The following MTNR1B variants were observed in gnomAD, a reference collection of about 807,000 sequenced individuals.
MTNR1B encodes the protein melatonin receptor 1B.
In MTNR1B, 7 loss-of-function variants were observed where a neutral mutation model predicts 7.0. The ratio of observed to expected loss-of-function variants is 1.00; its 90% confidence interval spans 0.57 to 1.88. The LOEUF (loss-of-function observed/expected upper bound fraction) is 1.88, where lower values mean the gene tolerates loss of function less well. Ranked by LOEUF, MTNR1B falls within the 40% of genes most tolerant of loss-of-function variation. The pLI, the probability that MTNR1B is intolerant of heterozygous loss-of-function variation, is 0.00. For synonymous variants in MTNR1B, 226 were observed against 208.2 expected (o/e 1.09, Z -0.74); for missense variants, 478 against 486.5 (o/e 0.98, Z 0.16).
downstream of MTNR1B, among the ~76,000 whole-genome samples, chr11:92,982,939 C>G (rs1449861939): frequency 1.1e-5 from 1 of 88,090 alleles, no homozygotes; most frequent in Non-Finnish European, 2.4e-5. Flanking sequence ...ACACTGCACC[C>G]CCCCCCCCCA....
chr11:92,976,605 C>T (rs1328171356), intron 1 of MTNR1B, among the ~76,000 whole-genome samples: 6 of 152,302 alleles, frequency 3.9e-5, no homozygotes, highest in African/African-American at 9.6e-5. Context: ...TTGAAGGCAA[C>T]ACTGATAGAG....
chr11:92,982,640 T>C lies in MTNR1B; in HGVS notation c.*328T>C. The C allele has an allele frequency of 3.2e-6, 1 of 314,520 alleles. No individual in the cohort carries two copies. The highest frequency in any genetic ancestry group is 4.6e-5 in the Admixed American group (1 of 21,814). 19.5% of individuals were successfully genotyped at this position (314,520 alleles called of 1,614,324 possible). A position where few individuals can be genotyped will look rare whatever the true frequency, so the allele number is the denominator to read the frequency against. On this transcript the variant is annotated 3_prime_UTR_variant, in exon 2 of 2. Transcript: ENST00000257068. ...TCCTTCTCATAGCTGACCCTCATCC[T>C]CCTGCCTTGGCCTCCTGGCTGCTTT...
chr11:92,979,944 TTGAAGGGC>T (rs1474842226), intron 1 of MTNR1B, among the ~76,000 whole-genome samples: 1 of 152,210 alleles, frequency 6.6e-6, no homozygotes, highest in Non-Finnish European at 1.5e-5. Flanking sequence ...TCTACTTCAC[TTGAAGGGC>T]TGACTCAGGT....
chr11:92,983,657 C>G (rs1455350435), downstream of MTNR1B, among the ~76,000 whole-genome samples: 1 of 152,128 alleles, frequency 6.6e-6, no homozygotes. Flanking sequence ...ACTTTATATT[C>G]GTAGAAATCT....
intron 1 of MTNR1B, among the ~76,000 whole-genome samples, chr11:92,971,835 T>C (rs1337645129): frequency 6.6e-6 from 1 of 152,174 alleles, no homozygotes; most frequent in Non-Finnish European, 1.5e-5. Context: ...AGAGCATCAC[T>C]GGGGAGGGTC....
intron 1 of MTNR1B, among the ~76,000 whole-genome samples, chr11:92,979,741 G>C (rs1202811188): frequency 6.6e-6 from 1 of 152,168 alleles, no homozygotes; most frequent in East Asian, 1.9e-4. Flanking sequence ...GACTTGTGTG[G>C]GTTCTCAGTG....
intron 1 of MTNR1B, among the ~76,000 whole-genome samples, chr11:92,976,535 C>T (rs1048268103): frequency 6.6e-6 from 1 of 152,158 alleles, no homozygotes; most frequent in African/African-American, 2.4e-5. Flanking sequence ...AAAAAAAGCC[C>T]TCCACTGTCC....
At chr11:92,978,282 AAG>A (rs1365237354) in intron 1 of MTNR1B, among the ~76,000 whole-genome samples, 2 of 152,230 alleles carry the variant, frequency 1.3e-5, no homozygotes, top group Non-Finnish European at 2.9e-5. Flanking sequence ...TCCAGAAAGA[AAG>A]AGAGAGGAAG....
At position 92,969,935 on chromosome 11, in the gene MTNR1B, G is replaced by A. The variant is rs1366507159; in HGVS notation, c.210G>A (p.Lys70=). ...TCCTCTCCGTGCTCAGGAACCGCAA[G>A]CTCCGGAACGCAGGTGAGCACCATT... ...LVILSVLRNR[K]LRNAGNLFLV... is the part of the protein sequence containing the mutation. The change falls in exon 1 of 2, where the codon AAG becomes AAA. Residue 70 remains lysine, a synonymous_variant. Coordinates refer to ENST00000257068, the MANE Select transcript of MTNR1B (RefSeq NM_005959.5). 3 of 1,610,834 alleles carry A rather than the reference G, an allele frequency of 1.9e-6. No individual in the cohort carries two copies. The highest frequency in any genetic ancestry group is 2.2e-5 in the South Asian group (2 of 90,212).
intron 1 of MTNR1B, among the ~76,000 whole-genome samples, chr11:92,976,591 TCTTTTGAAGG>T (rs1226515684): frequency 1.3e-5 from 2 of 152,190 alleles, no homozygotes; most frequent in African/African-American, 4.8e-5. Flanking sequence ...TCTATCTCCT[TCTTTTGAAGG>T]CAACACTGAT....
chr11:92,971,084 C>T (rs559017328), intron 1 of MTNR1B, among the ~76,000 whole-genome samples: 19 of 152,098 alleles, frequency 1.2e-4, no homozygotes, highest in African/African-American at 4.1e-4. Context: ...CTCAGCCTCC[C>T]GAGTAGCTGG....
intron 1 of MTNR1B, among the ~76,000 whole-genome samples, chr11:92,979,038 C>T (rs1394476701): frequency 6.6e-6 from 1 of 152,124 alleles, no homozygotes; most frequent in East Asian, 1.9e-4. Context: ...TTCACAGAAC[C>T]AACCCTATGA....
rs755055805 is a variant in MTNR1B at position 92,970,282 on chromosome 11, G to T, written c.223+334G>T. Among the ~76,000 whole-genome samples the T allele has an allele frequency of 3.3e-5, 5 of 152,186 alleles. No homozygotes were observed. The East Asian group carries it at 9.6e-4, about 29-fold the overall frequency. The stretch of plus-strand genomic sequence containing the variant: ...CGCTCCAATGCGTGTCTTTCCAGAG[G>T]TGCCCACATCAGGCCACAGAAATCT... On this transcript the variant is annotated intron_variant, in intron 1 of 1. Coordinates refer to ENST00000257068, the MANE Select transcript of MTNR1B (RefSeq NM_005959.5).
chr11:92,981,573 C>T lies in MTNR1B; in HGVS notation c.350C>T (p.Ala117Val), dbSNP rs1343283935. Residue 117 changes from alanine to valine, a missense_variant, in exon 2 of 2, where the codon GCC becomes GTC. Coordinates refer to ENST00000257068, the MANE Select transcript of MTNR1B (RefSeq NM_005959.5). ...GGGGAGGAGCACTGCAAGGCCAGCG[C>T]CTTTGTGATGGGCCTGAGCGTCATC... ...ALGEEHCKASAFVMGLSVIGS... is the reference protein window; with the variant it reads ...ALGEEHCKASVFVMGLSVIGS... 2 of 1,614,116 alleles carry T rather than the reference C, an allele frequency of 1.2e-6. No homozygotes were observed. Among genetic ancestry groups the T allele is most frequent in the Admixed American group, 1.7e-5 (1 of 60,024 alleles).
intron 1 of MTNR1B, among the ~76,000 whole-genome samples, chr11:92,978,515 G>A (rs917921686): frequency 2.6e-5 from 4 of 152,192 alleles, no homozygotes; most frequent in South Asian, 2.1e-4. Flanking sequence ...TGCATACTGA[G>A]TGATTTCTCA....
chr11:92,981,634 C>A lies in MTNR1B; in HGVS notation c.411C>A (p.Asn137Lys), dbSNP rs1565180960. 6.2e-7 allele frequency: 1 copy of A among 1,614,224 alleles called. No individual in the cohort carries two copies. The highest frequency in any genetic ancestry group is 8.5e-7 in the Non-Finnish European group (1 of 1,180,040). ...TCAATATCACTGCCATCGCCATTAA[C>A]CGCTACTGCTACATCTGCCACAGCA... The part of the protein sequence containing the change: ...SVFNITAIAI[N>K]RYCYICHSMA... The change falls in exon 2 of 2, where the codon AAC becomes AAA. Residue 137 changes from asparagine to lysine, a missense_variant. Coordinates refer to ENST00000257068, the MANE Select transcript of MTNR1B (RefSeq NM_005959.5).
Position 92,981,760 on chromosome 11 carries a change from G to A in MTNR1B, c.537G>A (p.Gly179=), listed in dbSNP as rs762134784. 41 of 1,614,062 alleles carry A rather than the reference G, an allele frequency of 2.5e-5. No homozygotes were observed. The highest frequency in any genetic ancestry group is 3.1e-5 in the Non-Finnish European group (37 of 1,180,040). The change falls in exon 2 of 2, where the codon GGG becomes GGA. Residue 179 remains glycine, a synonymous_variant. Coordinates refer to ENST00000257068, the MANE Select transcript of MTNR1B (RefSeq NM_005959.5). ...CCTTGCTGCCCAACTTCTTTGTGGG[G>A]TCCCTGGAGTACGACCCACGCATCT... ...VVALLPNFFV[G]SLEYDPRIYS...
At chr11:92,974,447 C>T (rs139989578) in intron 1 of MTNR1B, among the ~76,000 whole-genome samples, 83 of 152,238 alleles carry the variant, frequency 5.5e-4, no homozygotes, top group African/African-American at 1.9e-3. Context: ...GTTGTACAGC[C>T]TTGGGTATGT....
chr11:92,976,557 G>C (rs1175816199), intron 1 of MTNR1B, among the ~76,000 whole-genome samples: 1 of 152,194 alleles, frequency 6.6e-6, no homozygotes, highest in Non-Finnish European at 1.5e-5. Context: ...CTATCAAAGG[G>C]ATATTCCTTC....
Sources: gnomAD v4.1 joint callset for allele counts (sites outside exome capture counted in the v4.1 genomes callset) on GRCh38, gnomAD v4.1.1 for gene constraint, MANE v1.5 for transcripts, NCBI Gene and HGNC (gene_info 2026-07-23, HGNC 2026-07-21) for gene names.